Variants in ZNF804B observed in about 807,000 individuals in gnomAD.
ZNF804B encodes the protein zinc finger protein 804B.
In ZNF804B, 80 loss-of-function variants were observed where a neutral mutation model predicts 101.4. That is an observed-to-expected ratio of 0.79 (90% CI 0.66 to 0.95). The LOEUF is 0.95. ZNF804B is among the 40% of genes least tolerant of loss of function. The probability of loss-of-function intolerance (pLI) is 0.00; values close to 1 mark genes in which losing one functional copy is unlikely to be tolerated. For synonymous variants in ZNF804B, 622 were observed against 558.8 expected, an observed-to-expected ratio of 1.11 and a Z score of -1.59; for missense variants, 1,673 against 1,561.9, an observed-to-expected ratio of 1.07 and a Z score of -1.20.
chr7:89,075,378 A>G, intron 1 of ZNF804B, among the ~76,000 whole-genome samples: 1 of 151,898 alleles, frequency 6.6e-6, no homozygotes, highest in South Asian at 2.1e-4. Context: ...CATCCCAGCC[A>G]CTCCAGCCAT....
At chr7:89,279,039 T>C (rs971955796) in intron 2 of ZNF804B, among the ~76,000 whole-genome samples, 1 of 152,188 alleles carries the variant, frequency 6.6e-6, no homozygotes, top group Non-Finnish European at 1.5e-5. Context: ...AGCAGTGGTT[T>C]GTAGTTCTCC....
intron 1 of ZNF804B, among the ~76,000 whole-genome samples, chr7:88,942,105 C>G (rs954576392): frequency 6.6e-6 from 1 of 151,784 alleles, no homozygotes; most frequent in African/African-American, 2.4e-5. Flanking sequence ...CTACAAACTC[C>G]CATGAAATAT....
chr7:88,784,601 A>G (rs530980624), intron 1 of ZNF804B, among the ~76,000 whole-genome samples: 21 of 152,076 alleles, frequency 1.4e-4, no homozygotes, highest in Non-Finnish European at 2.5e-4. Context: ...TATATTTTTA[A>G]ATATACTCCG....
rs144349494 is a variant in ZNF804B at position 89,130,687 on chromosome 7, A to G, written c.109-87468A>G. 3.0e-3 allele frequency among the ~76,000 whole-genome samples: 460 copies of G among 152,122 alleles called. 5 individuals carry two copies. The highest frequency in any genetic ancestry group is 0.01 in the African/African-American group (436 of 41,530). ...TGCTGAGGAGAGGGGACGCCTTTAA[A>G]GAATACATTGAACATTTTTAATAAG... On this transcript the variant is annotated intron_variant, in intron 1 of 3. Transcript: ENST00000333190.
chr7:89,028,246 T>A (rs1298395584), intron 1 of ZNF804B, among the ~76,000 whole-genome samples: 2 of 152,190 alleles, frequency 1.3e-5, no homozygotes, highest in African/African-American at 4.8e-5. Flanking sequence ...TGGCAGGAAC[T>A]TGAGTTAATT....
At chr7:88,906,976 C>T (rs1455202317) in intron 1 of ZNF804B, among the ~76,000 whole-genome samples, 1 of 151,918 alleles carries the variant, frequency 6.6e-6, no homozygotes, top group East Asian at 1.9e-4. Flanking sequence ...TACCCTTTGT[C>T]ATTATATAAT....
chr7:89,127,602 G>C (rs541264749), intron 1 of ZNF804B, among the ~76,000 whole-genome samples: 70 of 151,764 alleles, frequency 4.6e-4, no homozygotes, highest in South Asian at 4.1e-4. Flanking sequence ...AAGTAGTTAA[G>C]AAAAGAAAAA....
chr7:89,266,413 G>A (rs1789797021), intron 2 of ZNF804B, among the ~76,000 whole-genome samples: 1 of 152,068 alleles, frequency 6.6e-6, no homozygotes, highest in South Asian at 2.1e-4. Context: ...CCAAGTAGCA[G>A]CATTGACTAT....
intron 2 of ZNF804B, among the ~76,000 whole-genome samples, chr7:89,322,729 T>A (rs38965): frequency 0.084 from 12,780 of 152,124 alleles, 693 homozygotes; most frequent in Non-Finnish European, 0.12. Context: ...CAGAAAAGAA[T>A]AAAAAATCTA....
intron 2 of ZNF804B, among the ~76,000 whole-genome samples, chr7:89,273,167 T>C (rs1181627112): frequency 6.6e-6 from 1 of 152,034 alleles, no homozygotes. Context: ...GTTTTGAGGA[T>C]TTTTTACTAA....
At chr7:89,153,299 A>T (rs1270114106) in intron 1 of ZNF804B, among the ~76,000 whole-genome samples, 2 of 151,754 alleles carry the variant, frequency 1.3e-5, no homozygotes, top group African/African-American at 2.4e-5. Context: ...CCATAGCAAG[A>T]TGTTGATTCT....
At chr7:88,902,594 A>T (rs1792409081) in intron 1 of ZNF804B, among the ~76,000 whole-genome samples, 1 of 152,038 alleles carries the variant, frequency 6.6e-6, no homozygotes, top group Non-Finnish European at 1.5e-5. Flanking sequence ...TGTTGAGTCC[A>T]TTAAAGAGAT....
At chr7:88,860,651 T>TA (rs1318983147) in intron 1 of ZNF804B, among the ~76,000 whole-genome samples, 1 of 152,046 alleles carries the variant, frequency 6.6e-6, no homozygotes, top group Admixed American at 6.6e-5. Flanking sequence ...ATTGTTTTGG[T>TA]AAAGAATTGT....
intron 1 of ZNF804B, among the ~76,000 whole-genome samples, chr7:88,925,560 C>T (rs1274498539): frequency 6.6e-6 from 1 of 152,048 alleles, no homozygotes; most frequent in African/African-American, 2.4e-5. Flanking sequence ...ATCTGCAAGC[C>T]ATGGAGAGAG....
intron 1 of ZNF804B, among the ~76,000 whole-genome samples, chr7:88,819,794 A>T (rs1384846144): frequency 6.6e-6 from 1 of 152,156 alleles, no homozygotes; most frequent in Non-Finnish European, 1.5e-5. Context: ...ATTTAGCGCA[A>T]TTATTCTGAA....
intron 1 of ZNF804B, among the ~76,000 whole-genome samples, chr7:88,817,664 C>T (rs1314788447): frequency 6.6e-6 from 1 of 152,168 alleles, no homozygotes; most frequent in Non-Finnish European, 1.5e-5. Context: ...TACCTAAGAT[C>T]TTCCATTGGT....
At chr7:88,841,173 A>T (rs1393654909) in intron 1 of ZNF804B, among the ~76,000 whole-genome samples, 2 of 152,206 alleles carry the variant, frequency 1.3e-5, no homozygotes, top group African/African-American at 4.8e-5. Flanking sequence ...GGTTATTTAC[A>T]TCACACATAA....
intron 1 of ZNF804B, among the ~76,000 whole-genome samples, chr7:88,767,168 G>T (rs1454228912): frequency 6.6e-6 from 1 of 152,066 alleles, no homozygotes; most frequent in African/African-American, 2.4e-5. Context: ...CCTCGCAAAT[G>T]GTAAGAACTA....
At chr7:88,975,468 AAG>A (rs1793603896) in intron 1 of ZNF804B, among the ~76,000 whole-genome samples, 1 of 151,290 alleles carries the variant, frequency 6.6e-6, no homozygotes, top group African/African-American at 2.4e-5. Context: ...AGGAAAAAAA[AAG>A]TGATTTTAAC....
Sources: gnomAD v4.1 joint callset for allele counts (sites outside exome capture counted in the v4.1 genomes callset) on GRCh38, gnomAD v4.1.1 for gene constraint, MANE v1.5 for transcripts, NCBI Gene and HGNC (gene_info 2026-07-23, HGNC 2026-07-21) for gene names.